MEI1: variants seen among roughly 807,000 people sequenced by gnomAD.
MEI1 encodes meiosis inhibitor protein 1.
A neutral mutation model predicts 146.2 loss-of-function variants in MEI1; 103 were observed. The observed-to-expected ratio is 0.70, with a 90% CI of 0.60 to 0.83. The LOEUF is 0.83. Among genes scored for constraint, MEI1 ranks in the 40% least tolerant of loss-of-function variants. The pLI, the probability that MEI1 is intolerant of heterozygous loss-of-function variation, is 0.00. For synonymous variants in MEI1, 652 were observed against 628.2 expected (o/e 1.04, Z -0.57); for missense variants, 1,529 against 1,533.0 (o/e 1.00, Z 0.04).
In MEI1 at chr22:41,719,228, C is replaced by T. The variant is rs369096997; in HGVS notation, c.733+954C>T. On this transcript the variant is annotated intron_variant, in intron 6 of 30. Transcript: ENST00000401548. Reference sequence around the variant, plus strand: ...CGATCTCCTGACCTCGTGATCCACCCGCCTTGGCTCCCAAAGTGCTGGGAT... The same window carrying T: ...CGATCTCCTGACCTCGTGATCCACCTGCCTTGGCTCCCAAAGTGCTGGGAT... Among the ~76,000 whole-genome samples the T allele has an allele frequency of 1.2e-4, 18 of 152,250 alleles. No individual in the cohort carries two copies. The East Asian group carries it at 2.9e-3, about 24-fold the overall frequency.
intron 4 of MEI1, among the ~76,000 whole-genome samples, chr22:41,714,487 A>C (rs1569159389): frequency 2.0e-5 from 3 of 152,286 alleles, no homozygotes. Context: ...TGGTTCTATC[A>C]GCTTACTTTG....
intron 26 of MEI1, among the ~76,000 whole-genome samples, chr22:41,785,302 G>A (rs569833634): frequency 5.3e-5 from 8 of 150,170 alleles, no homozygotes; most frequent in African/African-American, 1.7e-4. Flanking sequence ...TAGCTCTGTC[G>A]CCCAGGCTGG....
chr22:41,724,804 T>C (rs946771942), intron 7 of MEI1, among the ~76,000 whole-genome samples: 1 of 126,388 alleles, frequency 7.9e-6, no homozygotes, highest in Non-Finnish European at 1.6e-5. Context: ...TTGTAAATTC[T>C]TTTTTTTTTT....
rs971078992 is a variant in MEI1 at position 41,767,692 on chromosome 22, G to A, written c.2269-2994G>A. On this transcript the variant is annotated intron_variant, in intron 19 of 30. Transcript: ENST00000401548. ...CTCAACCAATGTGGATTGACCACTT[G>A]ACATGAGCTAGGTACCATGTGGGGC... 1.8e-5 allele frequency: 8 copies of A among 439,794 alleles called. 1 individual carries two copies. The highest frequency in any genetic ancestry group is 6.6e-4 in the Middle Eastern group (2 of 3,022). 27.2% of individuals were successfully genotyped at this position (439,794 alleles called of 1,614,324 possible).
intron 6 of MEI1, among the ~76,000 whole-genome samples, chr22:41,719,948 T>C (rs2070605905): frequency 6.6e-6 from 1 of 152,172 alleles, no homozygotes; most frequent in South Asian, 2.1e-4. Flanking sequence ...TCAGGAGCTC[T>C]GTTATGAATG....
intron 23 of MEI1, 142 bp downstream of exon 23, chr22:41,781,536 A>T: frequency 8.7e-7 from 1 of 1,151,412 alleles, no homozygotes; most frequent in Non-Finnish European, 1.2e-6. Context: ...TAATAACCTG[A>T]GCTTCTGTTA....
At position 41,716,085 on chromosome 22, in the gene MEI1, C is replaced by G; in HGVS notation, c.468C>G (p.Thr156=). The change falls in exon 5 of 31, where the codon ACC becomes ACG. Residue 156 remains threonine, a synonymous_variant. Coordinates refer to ENST00000401548, the MANE Select transcript of MEI1 (RefSeq NM_152513.4). ...TGCGAGGCAGCCTGGCCACCCTGAC[C>G]CTTCTTGGCAAGTTGGTGGATGCCA... ...PSMRGSLATL[T]LLGKLVDAIP... 6.2e-7 allele frequency: 1 copy of G among 1,612,084 alleles called. No homozygotes were observed. The highest frequency in any genetic ancestry group is 8.5e-7 in the Non-Finnish European group (1 of 1,179,186).
chr22:41,794,067 T>A, intron 27 of MEI1, 157 bp downstream of exon 27: 1 of 731,108 alleles, frequency 1.4e-6, no homozygotes, highest in East Asian at 2.7e-5. Flanking sequence ...ATGCCCATTA[T>A]ACAGATGGGA....
chr22:41,776,415 C>CGTG, intron 21 of MEI1, 148 bp downstream of exon 21: 2 of 835,108 alleles, frequency 2.4e-6, no homozygotes, highest in Non-Finnish European at 1.8e-6. Flanking sequence ...AGCTAAACTT[C>CGTG]ACCTCCTTTC....
At position 41,729,693 on chromosome 22, in the gene MEI1, A is replaced by G; in HGVS notation, c.893A>G (p.Gln298Arg). ...CTCCTCTCTAGAGATGAAACCCTGC[A>G]GGTGGCCAGTGCTCACTGTATAACT... ...KLLLSRDETL[Q>R]VASAHCITAV... The change falls in exon 8 of 31, where the codon CAG (glutamine) becomes CGG (arginine). Residue 298 changes from glutamine to arginine, a missense_variant. Gln to Arg is a conservative substitution (Grantham distance 43, BLOSUM62 1). Coordinates refer to ENST00000401548, the MANE Select transcript of MEI1 (RefSeq NM_152513.4). 2 of 1,611,900 alleles carry G rather than the reference A, an allele frequency of 1.2e-6. No individual in the cohort carries two copies. Among genetic ancestry groups the G allele is most frequent in the Non-Finnish European group, 8.5e-7 (1 of 1,179,106 alleles).
chr22:41,707,078 C>G (rs890905069), intron 3 of MEI1, among the ~76,000 whole-genome samples: 3 of 151,720 alleles, frequency 2.0e-5, no homozygotes, highest in African/African-American at 7.3e-5. Context: ...TGGCGGGCAC[C>G]TGTAATCCCA....
chr22:41,770,813 G>A lies in MEI1; in HGVS notation c.2396G>A (p.Arg799His), dbSNP rs2075134644. 6 of 1,613,840 alleles carry A rather than the reference G, an allele frequency of 3.7e-6. No individual in the cohort carries two copies. The highest frequency in any genetic ancestry group is 1.3e-5 in the African/African-American group (1 of 74,886). Residue 799 changes from arginine (R) to histidine (H), a missense_variant, in exon 20 of 31, where the codon CGT becomes CAT. Coordinates refer to ENST00000401548, the MANE Select transcript of MEI1 (RefSeq NM_152513.4). ...GAGCTCATGAGTAGGTATGGGCACC[G>A]TGTCCTGGAACTTTGGTTCTTCTGG... ...YPELMSRYGH[R>H]VLELWFFWEE...
In MEI1 at chr22:41,718,235, G is replaced by A. The variant is rs1246057712; in HGVS notation, c.694G>A (p.Asp232Asn). Residue 232 changes from aspartate to asparagine, a missense_variant, in exon 6 of 31, where the codon GAT becomes AAT. Coordinates refer to ENST00000401548, the MANE Select transcript of MEI1 (RefSeq NM_152513.4). ...KLFPLFLSIL[D>N]GAQTKELQIN... ...TTTTCCCCTCTTCCTTTCCATCCTG[G>A]ATGGTGCCCAGACAAAGGAGCTGCA... 4 of 1,613,832 alleles carry A rather than the reference G, an allele frequency of 2.5e-6. No individual in the cohort carries two copies. The South Asian group carries it at 3.3e-5, about 13-fold the overall frequency.
At chr22:41,709,815 A>C (rs551701557) in intron 3 of MEI1, among the ~76,000 whole-genome samples, 3 of 152,146 alleles carry the variant, frequency 2.0e-5, no homozygotes, top group Admixed American at 6.6e-5. Context: ...GTTGAATGAC[A>C]TGAGGCCTCA....
intron 11 of MEI1, among the ~76,000 whole-genome samples, chr22:41,740,998 A>AC (rs1236130528): frequency 6.6e-6 from 1 of 151,536 alleles, no homozygotes; most frequent in Non-Finnish European, 1.5e-5. Context: ...GCAACCTCCA[A>AC]CTCCCTGGTT....
chr22:41,723,003 C>T (rs942411164), intron 6 of MEI1, among the ~76,000 whole-genome samples: 1 of 152,108 alleles, frequency 6.6e-6, no homozygotes, highest in Non-Finnish European at 1.5e-5. Flanking sequence ...CTTTCTTTCA[C>T]TTTCTAGAAT....
chr22:41,732,776 A>ATTTT (rs767715701), intron 11 of MEI1, among the ~76,000 whole-genome samples, 173 bp downstream of exon 11: 1 of 133,768 alleles, frequency 7.5e-6, no homozygotes, highest in African/African-American at 2.9e-5. Context: ...GGATTGAAAA[A>ATTTT]TTTTTTTTTT....
chr22:41,765,777 G>A lies in MEI1; in HGVS notation c.2268+2456G>A, dbSNP rs2074805307. On this transcript the variant is annotated intron_variant, in intron 19 of 30. Transcript: ENST00000401548. ...TTTCCTAAGAATTAGGACTTTCTCT[G>A]TTACATAATCAGTGTACAGTGATCA... 2.7e-5 allele frequency among the ~76,000 whole-genome samples: 4 copies of A among 148,724 alleles called. No homozygotes were observed. In the South Asian group the frequency reaches 8.4e-4, roughly 31 times the overall value.
intron 18 of MEI1, 93 bp downstream of exon 18, chr22:41,758,626 G>T: frequency 7.7e-7 from 1 of 1,304,498 alleles, no homozygotes. Flanking sequence ...CAAGCCTGAT[G>T]CTGGGCACTG....
Sources: gnomAD v4.1 joint callset for allele counts (sites outside exome capture counted in the v4.1 genomes callset) on GRCh38, gnomAD v4.1.1 for gene constraint, MANE v1.5 for transcripts, NCBI Gene and HGNC (gene_info 2026-07-23, HGNC 2026-07-21) for gene names.